ACOT11: variants seen among roughly 807,000 people sequenced by gnomAD.
The protein encoded by ACOT11 is acyl-coenzyme A thioesterase 11.
In ACOT11, 69 loss-of-function variants were observed where a neutral mutation model predicts 77.5. The observed-to-expected ratio is 0.89, with a 90% CI of 0.73 to 1.09. ACOT11 has a LOEUF of 1.09. Ranked by LOEUF, ACOT11 falls within the 50% of genes least tolerant of loss-of-function variation. The pLI, the probability that ACOT11 is intolerant of heterozygous loss-of-function variation, is 0.00. For missense variants in ACOT11, 766 were observed against 813.7 expected (o/e 0.94, Z 0.71); for synonymous variants, 279 against 313.0 (o/e 0.89, Z 1.15).
chr1:54,564,603 G>A (rs59629446), intron 1 of ACOT11, among the ~76,000 whole-genome samples: 8,574 of 152,332 alleles, frequency 0.056, 325 homozygotes, highest in South Asian at 0.16. Context: ...CCGAGCTGAA[G>A]CAGGTAGGTC....
chr1:54,561,698 A>C (rs377695528), intron 1 of ACOT11, among the ~76,000 whole-genome samples: 1,507 of 112,280 alleles, frequency 0.013, no homozygotes, highest in East Asian at 0.024. Flanking sequence ...GGCGCCCCTC[A>C]CCTCCCGGAC....
In ACOT11 at chr1:54,597,422, G is replaced by T; in HGVS notation, c.764+7G>T. 1 of 1,605,002 alleles carries T rather than the reference G, an allele frequency of 6.2e-7. No individual in the cohort carries two copies. The highest frequency in any genetic ancestry group is 8.5e-7 in the Non-Finnish European group (1 of 1,174,562). ...TGGCCACCATTGCAGCCAGGTGAGG[G>T]CAGGGTGTGCTGCCTCTGCCTCCCC... On this transcript the variant is annotated splice_region_variant and intron_variant, in intron 7 of 15. Coordinates refer to ENST00000343744, the MANE Select transcript of ACOT11 (RefSeq NM_147161.4).
Position 54,595,908 on chromosome 1 carries a change from C to T in ACOT11, c.607+1217C>T, listed in dbSNP as rs138668226. Among the ~76,000 whole-genome samples the T allele has an allele frequency of 9.7e-3, 1,473 of 152,296 alleles. 51 individuals are homozygous for T. The highest frequency in any genetic ancestry group is 0.072 in the Admixed American group (1,097 of 15,304). ...GAGTGGGGAGAGAGCAGGCAGAACT[C>T]GCCAAGCCCAGAGGAAGCCTCAAGC... On this transcript the variant is annotated intron_variant, in intron 6 of 15. Transcript: ENST00000343744.
At chr1:54,618,904 T>C (rs1299778409) in intron 15 of ACOT11, among the ~76,000 whole-genome samples, 1 of 152,214 alleles carries the variant, frequency 6.6e-6, no homozygotes, top group Admixed American at 6.5e-5. Context: ...TGGTTAGGCA[T>C]TCACTAAGTG....
chr1:54,568,407 C>T (rs943343623), intron 1 of ACOT11, among the ~76,000 whole-genome samples: 1 of 136,842 alleles, frequency 7.3e-6, no homozygotes, highest in Admixed American at 7.6e-5. Context: ...TCTTGTTGCC[C>T]AGGCTGGAGT....
chr1:54,592,567 C>T lies in ACOT11; in HGVS notation c.333C>T (p.Ile111=), dbSNP rs1654749424. 1 of 1,613,092 alleles carries T rather than the reference C, an allele frequency of 6.2e-7. No homozygotes were observed. Reference sequence around the variant, plus strand: ...CCAGTGTTGGACAAGTGGTGAATATCAAGGCCAAGGTGAACCGGGCCTTCA... The same window carrying T: ...CCAGTGTTGGACAAGTGGTGAATATTAAGGCCAAGGTGAACCGGGCCTTCA... ...HTISVGQVVN[I]KAKVNRAFNS... The change falls in exon 4 of 16, where the codon ATC becomes ATT. Residue 111 remains isoleucine, a synonymous_variant. Transcript: ENST00000343744.
At chr1:54,634,960 G>A (rs1376748616) in exon 17 of ACOT11, 8 of 496,284 alleles carry the variant, frequency 1.6e-5, no homozygotes, top group Non-Finnish European at 2.8e-5. Context: ...TGGTAGCTAT[G>A]ATAGCAGTTA....
intron 3 of ACOT11, among the ~76,000 whole-genome samples, chr1:54,591,147 C>T (rs1372630881): frequency 6.6e-6 from 1 of 152,148 alleles, no homozygotes; most frequent in African/African-American, 2.4e-5. Flanking sequence ...CTAAAAATGA[C>T]CCTCCCCTCC....
At chr1:54,613,477 G>A (rs1316506845), downstream of ACOT11, among the ~76,000 whole-genome samples, 1 of 148,224 alleles carries the variant, frequency 6.7e-6, no homozygotes, top group South Asian at 2.2e-4. Flanking sequence ...CTTTCTATAC[G>A]TGGTCTCGCT....
chr1:54,608,019 C>A lies in ACOT11; in HGVS notation c.1580C>A (p.Thr527Asn), dbSNP rs755050569. 1 of 1,613,590 alleles carries A rather than the reference C, an allele frequency of 6.2e-7. No individual in the cohort carries two copies. Among genetic ancestry groups the A allele is most frequent in the South Asian group, 1.1e-5 (1 of 91,022 alleles). The stretch of plus-strand genomic sequence containing the variant: ...ACGCCAGAGTACAGACGCGGAGAGA[C>A]CCTCTGCTCAGGCTTCTGCCTCTGG... ...RETPEYRRGETLCSGFCLWRE... is the reference protein window; with the variant it reads ...RETPEYRRGENLCSGFCLWRE... The change falls in exon 15 of 16, where the codon ACC becomes AAC. Residue 527 changes from threonine to asparagine, a missense_variant. Thr to Asn is a moderately conservative substitution (Grantham distance 65, BLOSUM62 0). Transcript: ENST00000343744.
intron 1 of ACOT11, among the ~76,000 whole-genome samples, chr1:54,583,937 G>A (rs946073720): frequency 1.3e-5 from 2 of 152,060 alleles, no homozygotes; most frequent in Non-Finnish European, 2.9e-5. Flanking sequence ...GGACTGATGG[G>A]CACACCCCAC....
intron 1 of ACOT11, among the ~76,000 whole-genome samples, chr1:54,560,515 G>A (rs1283449200): frequency 1.3e-5 from 2 of 152,192 alleles, no homozygotes; most frequent in Non-Finnish European, 2.9e-5. Context: ...ATCAGTGGAC[G>A]TGAATTATTA....
chr1:54,607,324 G>C lies in ACOT11; in HGVS notation c.1502+59G>C. ...AACTGGACAGGGTGGTAGGGTGGCC[G>C]CTTCTCCCTCCCAGGGAAGGGCATC... On this transcript the variant is annotated intron_variant, in intron 14 of 15. Transcript: ENST00000343744. The surrounding 1 kb of genome is among the most constrained non-coding windows in gnomAD (Gnocchi z 4.5). 6.3e-7 allele frequency: 1 copy of C among 1,595,046 alleles called. No homozygotes were observed. The highest frequency in any genetic ancestry group is 8.6e-7 in the Non-Finnish European group (1 of 1,165,852).
Position 54,609,536 on chromosome 1 carries a change from ATATCTGTGAGCAGCTGT to A in ACOT11, c.*426_*442del, listed in dbSNP as rs1557668039. Reference sequence around the variant, plus strand: ...CCAGAGCCCCTGGCACAACTCTAGCATATCTGTGAGCAGCTGTTCCCTGTAGCCACTGCCCAGCACCT... The same window carrying A: ...CCAGAGCCCCTGGCACAACTCTAGCATCCCTGTAGCCACTGCCCAGCACCT... On this transcript the variant is annotated 3_prime_UTR_variant, in exon 16 of 16. Transcript: ENST00000343744. The A allele has an allele frequency of 1.9e-6, 3 of 1,612,866 alleles. No individual in the cohort carries two copies. In the Admixed American group the frequency reaches 5.0e-5, roughly 27 times the overall value.
Position 54,601,349 on chromosome 1 carries a change from C to T in ACOT11, c.965C>T (p.Thr322Ile), listed in dbSNP as rs1569753145. The T allele has an allele frequency of 6.2e-7, 1 of 1,613,782 alleles. No individual in the cohort carries two copies. The highest frequency in any genetic ancestry group is 8.5e-7 in the Non-Finnish European group (1 of 1,180,010). Reference sequence around the variant, plus strand: ...CGCCACATCAACAGTGCCTTTATGACCTTTGTGGTCCTGGACGCAGATGAC... The same window carrying T: ...CGCCACATCAACAGTGCCTTTATGATCTTTGTGGTCCTGGACGCAGATGAC... ...HRRHINSAFMTFVVLDADDQP... is the reference protein window; with the variant it reads ...HRRHINSAFMIFVVLDADDQP... The change falls in exon 9 of 16, where the codon ACC becomes ATC. Residue 322 changes from threonine to isoleucine, a missense_variant. Physicochemically the swap from Thr to Ile is moderately conservative, Grantham distance 89. Coordinates refer to ENST00000343744, the MANE Select transcript of ACOT11 (RefSeq NM_147161.4).
At chr1:54,552,656 T>C (rs191106833) in intron 1 of ACOT11, among the ~76,000 whole-genome samples, 27 of 152,190 alleles carry the variant, frequency 1.8e-4, no homozygotes, top group Non-Finnish European at 1.3e-4. Context: ...CGGCTAATTT[T>C]TTCTATTTTT....
intron 15 of ACOT11, among the ~76,000 whole-genome samples, chr1:54,624,880 G>T (rs1644262349): frequency 6.6e-6 from 1 of 152,004 alleles, no homozygotes; most frequent in Non-Finnish European, 1.5e-5. Context: ...TGGTGCTCAG[G>T]GGGTGCTATT....
In ACOT11 at chr1:54,594,561, G is replaced by C. The variant is rs1654828036; in HGVS notation, c.477G>C (p.Lys159Asn). 6.2e-7 allele frequency: 1 copy of C among 1,613,108 alleles called. No individual in the cohort carries two copies. Among genetic ancestry groups the C allele is most frequent in the Non-Finnish European group, 8.5e-7 (1 of 1,179,570 alleles). Residue 159 changes from lysine to asparagine, a missense_variant, in exon 6 of 16, where the codon AAG (lysine) becomes AAC (asparagine). Lys to Asn is a moderately conservative substitution (Grantham distance 94, BLOSUM62 0). Transcript: ENST00000343744. ...CCCTGTCCCCTGGCCGACAGGTGAA[G>C]CTGAAGCAGATCACGCCGCGGACAG... ...FVARREITKV[K>N]LKQITPRTEE... is the part of the protein sequence containing the mutation.
At position 54,594,685 on chromosome 1, in the gene ACOT11, C is replaced by A. The variant is rs747000977; in HGVS notation, c.601C>A (p.Gln201Lys). 1 of 1,612,026 alleles carries A rather than the reference C, an allele frequency of 6.2e-7. No individual in the cohort carries two copies. The highest frequency in any genetic ancestry group is 8.5e-7 in the Non-Finnish European group (1 of 1,178,648). Residue 201 changes from glutamine to lysine, a missense_variant, in exon 6 of 16, where the codon CAG becomes AAG. Physicochemically the swap from Gln to Lys is moderately conservative, Grantham distance 53 (BLOSUM62 1). Coordinates refer to ENST00000343744, the MANE Select transcript of ACOT11 (RefSeq NM_147161.4). Reference sequence around the variant, plus strand: ...GGACCTCCTGGCCAACTGCGCCATTCAGGGCGGTGAGCAGCTGCCAGCTGT... The same window carrying A: ...GGACCTCCTGGCCAACTGCGCCATTAAGGGCGGTGAGCAGCTGCCAGCTGT... ...IKDLLANCAI[Q>K]GDLESRDCSR...
Sources: allele counts gnomAD v4.1 joint callset (sites outside exome capture counted in the v4.1 genomes callset), GRCh38; gene constraint gnomAD v4.1.1; non-coding constraint Gnocchi (gnomAD v3.1); transcripts MANE v1.5; gene names NCBI Gene and HGNC (gene_info 2026-07-23, HGNC 2026-07-21).